Variants in CACNA1B observed in about 807,000 individuals in gnomAD.
CACNA1B encodes calcium voltage-gated channel subunit alpha1 B.
Under a neutral mutation model 247.2 loss-of-function variants are expected in CACNA1B, and 70 were observed. The ratio of observed to expected loss-of-function variants is 0.28; its 90% CI spans 0.23 to 0.35. CACNA1B has a LOEUF of 0.35. Among genes scored for constraint, CACNA1B ranks in the 10% least tolerant of loss-of-function variants. CACNA1B has a pLI of 1.00. For synonymous variants in CACNA1B, 1,231 were observed against 1,294.4 expected (o/e 0.95, Z 1.05); for missense variants, 2,367 against 3,197.4 (o/e 0.74, Z 6.26).
At chr9:138,015,969 G>A (rs899669328) in intron 18 of CACNA1B, among the ~76,000 whole-genome samples, 2 of 151,594 alleles carry the variant, frequency 1.3e-5, no homozygotes, top group African/African-American at 2.4e-5. Context: ...CACACACACA[G>A]GCACACAGAC....
At position 138,105,687 on chromosome 9, in the gene CACNA1B, G is replaced by C. The variant is rs1564288634; in HGVS notation, c.5320-12G>C. On this transcript the variant is annotated splice_polypyrimidine_tract_variant and intron_variant, in intron 38 of 46. Transcript: ENST00000371372. ...AGCAGGCCTGGCCCTGACCGGCCCTGCTTGTCCCTAGCGCCTGGTTCGCAT... is the reference window on the plus strand; with the variant it reads ...AGCAGGCCTGGCCCTGACCGGCCCTCCTTGTCCCTAGCGCCTGGTTCGCAT... 1 of 1,504,688 alleles carries C rather than the reference G, an allele frequency of 6.6e-7. No individual in the cohort carries two copies. The highest frequency in any genetic ancestry group is 9.0e-7 in the Non-Finnish European group (1 of 1,107,126). The allele number at this position is 1,504,688 out of a possible 1,614,324, so 93.2% of individuals were successfully genotyped here.
intron 23 of CACNA1B, among the ~76,000 whole-genome samples, chr9:138,047,904 T>A (rs568934494): frequency 6.6e-6 from 1 of 152,210 alleles, no homozygotes; most frequent in African/African-American, 2.4e-5. Flanking sequence ...ATTTGTCTTA[T>A]GATAGATTGA....
At position 138,098,370 on chromosome 9, in the gene CACNA1B, G is replaced by T. The variant is rs188478108; in HGVS notation, c.5222+1759G>T. ...GAGACTCCAGCCGAGGCAGGATTTA[G>T]GTGAATTCTAGGCAGGTCACCCTGA... On this transcript the variant is annotated intron_variant, in intron 37 of 46. Coordinates refer to ENST00000371372, the MANE Select transcript of CACNA1B (RefSeq NM_000718.4). 3.3e-5 allele frequency among the ~76,000 whole-genome samples: 5 copies of T among 152,342 alleles called. No individual in the cohort carries two copies. The East Asian group carries it at 9.6e-4, about 29-fold the overall frequency.
chr9:137,903,781 T>C (rs1957266943), intron 3 of CACNA1B, among the ~76,000 whole-genome samples: 1 of 152,192 alleles, frequency 6.6e-6, no homozygotes, highest in Non-Finnish European at 1.5e-5. Flanking sequence ...TTGTAGTTTC[T>C]TTATAAAAGT....
At chr9:138,022,629 C>T (rs1289893455) in intron 18 of CACNA1B, among the ~76,000 whole-genome samples, 1 of 152,194 alleles carries the variant, frequency 6.6e-6, no homozygotes, top group Non-Finnish European at 1.5e-5. Flanking sequence ...CTCCATCCGT[C>T]CTGCCCTTTG....
At chr9:138,098,009 G>A (rs1419669607) in intron 37 of CACNA1B, among the ~76,000 whole-genome samples, 1 of 152,324 alleles carries the variant, frequency 6.6e-6, no homozygotes, top group South Asian at 2.1e-4. Flanking sequence ...TGGCAGCATC[G>A]GGGGCCCTGG....
chr9:138,091,344 C>T (rs990190089), intron 36 of CACNA1B, among the ~76,000 whole-genome samples: 1 of 152,048 alleles, frequency 6.6e-6, no homozygotes, highest in African/African-American at 2.4e-5. Context: ...AAATTGCTCT[C>T]ATAGAAGTGG....
chr9:138,119,285 G>A (rs1223626859), intron 44 of CACNA1B, among the ~76,000 whole-genome samples: 3 of 152,168 alleles, frequency 2.0e-5, no homozygotes, highest in Admixed American at 2.0e-4. Flanking sequence ...ACTGGATTCA[G>A]GAAGAGGAAG....
At chr9:138,074,136 A>G in intron 34 of CACNA1B, 70 bp downstream of exon 34, 1 of 1,044,096 alleles carries the variant, frequency 9.6e-7, no homozygotes, top group Non-Finnish European at 1.5e-6. Context: ...GGCACTGATC[A>G]TGATTGTCAA....
Position 138,094,114 on chromosome 9 carries a change from T to A in CACNA1B, c.5095-2370T>A, listed in dbSNP as rs530417273. On this transcript the variant is annotated intron_variant, in intron 36 of 46. Coordinates refer to ENST00000371372, the MANE Select transcript of CACNA1B (RefSeq NM_000718.4). The stretch of plus-strand genomic sequence containing the variant: ...TAAAAAGGAAGAGCGTTCTGACACA[T>A]TCTACAATGTGAATAAACCTTGAAG... Among the ~76,000 whole-genome samples the A allele has an allele frequency of 2.0e-5, 3 of 152,148 alleles. No homozygotes were observed. In the South Asian group the frequency reaches 6.2e-4, roughly 32 times the overall value.
At chr9:138,101,129 TAC>T (rs896715173) in intron 37 of CACNA1B, 1 of 533,108 alleles carries the variant, frequency 1.9e-6, no homozygotes, top group African/African-American at 1.9e-5. Flanking sequence ...TAAGGATATG[TAC>T]AGTTTGTTGC....
At chr9:138,104,110 A>AGG (rs1961345134) in intron 38 of CACNA1B, among the ~76,000 whole-genome samples, 1 of 152,224 alleles carries the variant, frequency 6.6e-6, no homozygotes, top group Non-Finnish European at 1.5e-5. Context: ...GGAGAGACCA[A>AGG]GGGAGGCCTC....
intron 6 of CACNA1B, among the ~76,000 whole-genome samples, chr9:137,943,900 C>G (rs997384767): frequency 2.0e-5 from 3 of 152,166 alleles, no homozygotes; most frequent in Non-Finnish European, 4.4e-5. Context: ...CATGAGTTTG[C>G]CCACATCCTG....
rs1961286151 is a variant in CACNA1B at position 138,102,516 on chromosome 9, A to T, written c.5223-195A>T. On this transcript the variant is annotated intron_variant, in intron 37 of 46. Transcript: ENST00000371372. This position sits in a 1 kb window ranked among gnomAD's most constrained non-coding sequence, Gnocchi z 5.4. ...GGGGGTGGGGGGCCAGGAGGGGGTC[A>T]AGCCAAGCAGAGAAATCCCTCATTT... Among the ~76,000 whole-genome samples, 1 of 152,074 alleles carries T rather than the reference A, an allele frequency of 6.6e-6. No homozygotes were observed. Among genetic ancestry groups the T allele is most frequent in the Non-Finnish European group, 1.5e-5 (1 of 67,994 alleles).
intron 36 of CACNA1B, 36 bp from the exon 37 acceptor site, chr9:138,096,448 C>T: frequency 6.2e-7 from 1 of 1,601,858 alleles, no homozygotes; most frequent in Non-Finnish European, 8.5e-7. Flanking sequence ...AGGCTGAGGT[C>T]TCTCTCCGTC....
At chr9:137,951,991 G>A (rs1242507945) in intron 6 of CACNA1B, among the ~76,000 whole-genome samples, 1 of 152,142 alleles carries the variant, frequency 6.6e-6, no homozygotes, top group Non-Finnish European at 1.5e-5. Flanking sequence ...CCTACTGCTT[G>A]GCTTTTGAGT....
chr9:137,889,394 C>A (rs1323596426), intron 3 of CACNA1B, among the ~76,000 whole-genome samples: 2 of 149,302 alleles, frequency 1.3e-5, no homozygotes, highest in African/African-American at 4.9e-5. Context: ...CTCCCTCCCT[C>A]ACCCCTAGTG....
intron 6 of CACNA1B, among the ~76,000 whole-genome samples, chr9:137,926,068 C>CTTTTTT (rs71387875): frequency 9.5e-6 from 1 of 105,198 alleles, no homozygotes. Context: ...TTTTTCCTTT[C>CTTTTTT]TTTTTTTTTT....
At chr9:137,931,245 G>A (rs1425371610) in intron 6 of CACNA1B, among the ~76,000 whole-genome samples, 2 of 151,292 alleles carry the variant, frequency 1.3e-5, no homozygotes, top group Non-Finnish European at 2.9e-5. Context: ...TCGCGTAAAC[G>A]GCTCAAGAGC....
Sources: gnomAD v4.1 joint callset for allele counts (sites outside exome capture counted in the v4.1 genomes callset) on GRCh38, gnomAD v4.1.1 for gene constraint, Gnocchi (gnomAD v3.1) non-coding constraint, MANE v1.5 for transcripts, NCBI Gene and HGNC (gene_info 2026-07-23, HGNC 2026-07-21) for gene names.